The following SPIN1 variants were observed in gnomAD, a reference collection of about 807,000 sequenced individuals.
The protein encoded by SPIN1 is spindlin 1.
In SPIN1, 3 loss-of-function variants were observed where a neutral mutation model predicts 26.0. The ratio of observed to expected loss-of-function variants is 0.12; its 90% CI spans 0.05 to 0.30. The LOEUF is 0.30. Among genes scored for constraint, SPIN1 ranks in the 10% least tolerant of loss-of-function variants. The pLI is 1.00. For missense variants in SPIN1, 126 were observed against 333.4 expected (o/e 0.38, Z 4.84); for synonymous variants, 101 against 116.5 (o/e 0.87, Z 0.86).
intron 2 of SPIN1, among the ~76,000 whole-genome samples, chr9:88,430,473 A>G (rs1272168886): frequency 6.6e-6 from 1 of 152,222 alleles, no homozygotes. Flanking sequence ...GAGGGAGCAT[A>G]GACACTATAC....
intron 1 of SPIN1, among the ~76,000 whole-genome samples, chr9:88,412,481 A>C (rs1302783366): frequency 1.3e-5 from 2 of 152,202 alleles, no homozygotes; most frequent in South Asian, 2.1e-4. Flanking sequence ...AAAGACCCAG[A>C]GAGACTGCTT....
chr9:88,464,760 A>G (rs1412578348), intron 4 of SPIN1, among the ~76,000 whole-genome samples: 1 of 152,180 alleles, frequency 6.6e-6, no homozygotes, highest in Non-Finnish European at 1.5e-5. Context: ...TTAATTGTAA[A>G]AAAACATAGC....
intron 5 of SPIN1, among the ~76,000 whole-genome samples, chr9:88,469,506 C>G (rs7850935): frequency 0.23 from 35,495 of 151,954 alleles, 6,447 homozygotes; most frequent in African/African-American, 0.51. Context: ...GCCTAGAAAA[C>G]CTTTATTGTG....
At chr9:88,406,005 C>CTGTGTGTG (rs745317937) in intron 1 of SPIN1, among the ~76,000 whole-genome samples, 474 of 103,354 alleles carry the variant, frequency 4.6e-3, no homozygotes, top group South Asian at 9.7e-3. Flanking sequence ...GCTTGTGTGT[C>CTGTGTGTG]TGTGTGTGTG....
rs375568715 is a variant in SPIN1 at position 88,425,498 on chromosome 9, T to G, written c.-158-884T>G. ...ATTGAGACCATCCTGACCAACATGG[T>G]GAAACCCCATCTTTACTAAAAATAC... On this transcript the variant is annotated intron_variant, in intron 1 of 5. Coordinates refer to ENST00000375859, the MANE Select transcript of SPIN1 (RefSeq NM_006717.3). Among the ~76,000 whole-genome samples the G allele has an allele frequency of 1.4e-4, 22 of 151,940 alleles. No individual in the cohort carries two copies. In the East Asian group the frequency reaches 3.3e-3, roughly 23 times the overall value.
intron 1 of SPIN1, among the ~76,000 whole-genome samples, chr9:88,417,517 G>T (rs1827592199): frequency 6.6e-6 from 1 of 152,096 alleles, no homozygotes; most frequent in Non-Finnish European, 1.5e-5. Flanking sequence ...CTGCCACCCA[G>T]GCTGGAATGC....
intron 1 of SPIN1, among the ~76,000 whole-genome samples, chr9:88,393,795 T>A (rs935352048): frequency 2.0e-5 from 3 of 152,012 alleles, no homozygotes; most frequent in African/African-American, 7.2e-5. Context: ...ACTTTTTTCT[T>A]TCTCTCTTTA....
intron 1 of SPIN1, among the ~76,000 whole-genome samples, chr9:88,413,203 A>G (rs183549784): frequency 2.7e-5 from 4 of 149,958 alleles, no homozygotes; most frequent in Admixed American, 2.0e-4. Flanking sequence ...AGTAGCTCGC[A>G]CTACAGGTGC....
At chr9:88,441,414 T>TGTGC in intron 2 of SPIN1, among the ~76,000 whole-genome samples, 2 of 141,264 alleles carry the variant, frequency 1.4e-5, no homozygotes, top group African/African-American at 5.8e-5. Flanking sequence ...TGTGTGTGTG[T>TGTGC]GCGCGCGCGC....
chr9:88,428,647 A>T (rs1827805942), intron 2 of SPIN1, among the ~76,000 whole-genome samples: 1 of 151,970 alleles, frequency 6.6e-6, no homozygotes, highest in South Asian at 2.1e-4. Flanking sequence ...AAAAGATTTT[A>T]TTTTTTTTAA....
intron 1 of SPIN1, among the ~76,000 whole-genome samples, chr9:88,389,163 G>C (rs765075281): frequency 1.3e-5 from 2 of 152,142 alleles, no homozygotes; most frequent in Non-Finnish European, 2.9e-5. Context: ...CCACCGGCCA[G>C]TCCTCGCGCC....
chr9:88,422,419 T>G (rs1234524828), intron 1 of SPIN1, among the ~76,000 whole-genome samples: 1 of 152,234 alleles, frequency 6.6e-6, no homozygotes, highest in Non-Finnish European at 1.5e-5. Flanking sequence ...CTGAGCAAAT[T>G]AAATTTAGCC....
chr9:88,424,575 C>G (rs558263579), intron 1 of SPIN1, among the ~76,000 whole-genome samples: 2 of 151,920 alleles, frequency 1.3e-5, no homozygotes, highest in African/African-American at 4.8e-5. Context: ...GGAGATAATG[C>G]GATATTGGAA....
intron 1 of SPIN1, among the ~76,000 whole-genome samples, chr9:88,409,435 GAT>G (rs200029839): frequency 0.012 from 1,755 of 152,096 alleles, 36 homozygotes; most frequent in African/African-American, 0.04. Context: ...GGTCTAGGAT[GAT>G]ATATCCAGAG....
chr9:88,445,518 T>TTATTA (rs1554695905), intron 2 of SPIN1, among the ~76,000 whole-genome samples: 2 of 134,610 alleles, frequency 1.5e-5, no homozygotes, highest in South Asian at 2.6e-4. Context: ...TATTGAGACT[T>TTATTA]TTATTATTAT....
At chr9:88,405,997 T>TTTG (rs1554691963) in intron 1 of SPIN1, among the ~76,000 whole-genome samples, 1 of 138,840 alleles carries the variant, frequency 7.2e-6, no homozygotes, top group African/African-American at 2.7e-5. Context: ...CGTGCCTGGC[T>TTTG]TGTGTGTCTG....
chr9:88,454,552 T>C (rs1454786239), intron 3 of SPIN1, among the ~76,000 whole-genome samples: 1 of 152,252 alleles, frequency 6.6e-6, no homozygotes, highest in Non-Finnish European at 1.5e-5. Flanking sequence ...AAATTTCTTT[T>C]AGGAACTTGT....
chr9:88,392,403 G>A (rs1826943928), intron 1 of SPIN1, among the ~76,000 whole-genome samples: 1 of 152,108 alleles, frequency 6.6e-6, no homozygotes, highest in Non-Finnish European at 1.5e-5. Flanking sequence ...ATATAATGAG[G>A]GAATTCTGTG....
At chr9:88,436,917 A>C (rs1828011916) in intron 2 of SPIN1, among the ~76,000 whole-genome samples, 1 of 151,258 alleles carries the variant, frequency 6.6e-6, no homozygotes, top group African/African-American at 2.4e-5. Flanking sequence ...GGCGCCCGCC[A>C]CTACGCCCGG....
Sources: gnomAD v4.1 joint callset for allele counts (sites outside exome capture counted in the v4.1 genomes callset) on GRCh38, gnomAD v4.1.1 for gene constraint, MANE v1.5 for transcripts, NCBI Gene and HGNC (gene_info 2026-07-23, HGNC 2026-07-21) for gene names.